The following GPC5 variants were observed in gnomAD, a reference collection of about 807,000 sequenced individuals.
GPC5 encodes glypican 5.
GPC5 carries 47 observed loss-of-function variants against 53.9 expected under a neutral mutation model. The ratio of observed to expected loss-of-function variants is 0.87; its 90% CI spans 0.69 to 1.11. The LOEUF (loss-of-function observed/expected upper bound fraction) is 1.11, where lower values mean the gene tolerates loss of function less well. GPC5 is among the 50% of genes most tolerant of loss of function. The pLI is 0.00. For synonymous variants in GPC5, 286 were observed against 263.3 expected (o/e 1.09, Z -0.84); for missense variants, 748 against 713.1 (o/e 1.05, Z -0.56).
intron 6 of GPC5, among the ~76,000 whole-genome samples, chr13:92,072,569 ATT>A (rs34169387): frequency 0.35 from 36,585 of 103,232 alleles, 5,984 homozygotes; most frequent in East Asian, 0.72. Context: ...TGGCCACTAA[ATT>A]TTTTTTTTTT....
At chr13:92,781,689 A>T (rs1004313321) in intron 7 of GPC5, among the ~76,000 whole-genome samples, 1 of 152,194 alleles carries the variant, frequency 6.6e-6, no homozygotes, top group African/African-American at 2.4e-5. Context: ...GCAAATAAGG[A>T]TGCATAAAAT....
At chr13:91,803,987 C>T (rs1355572221) in intron 5 of GPC5, among the ~76,000 whole-genome samples, 1 of 151,564 alleles carries the variant, frequency 6.6e-6, no homozygotes, top group Non-Finnish European at 1.5e-5. Context: ...ACAGAAAATG[C>T]AGAGAGATAT....
chr13:92,000,840 T>A (rs1157229351), intron 6 of GPC5, among the ~76,000 whole-genome samples: 1 of 152,158 alleles, frequency 6.6e-6, no homozygotes, highest in East Asian at 1.9e-4. Context: ...GAACACTATA[T>A]GTAAGGCTAG....
chr13:92,285,261 A>T (rs917202948), intron 7 of GPC5, among the ~76,000 whole-genome samples: 1 of 152,208 alleles, frequency 6.6e-6, no homozygotes, highest in Non-Finnish European at 1.5e-5. Flanking sequence ...AAATGGAAGA[A>T]CATTCCATGC....
intron 1 of GPC5, among the ~76,000 whole-genome samples, chr13:91,425,042 C>G (rs79266484): frequency 0.014 from 2,059 of 152,220 alleles, 24 homozygotes; most frequent in Non-Finnish European, 0.022. Context: ...GGGAAGATAT[C>G]TAAGTAGACT....
At chr13:92,528,051 A>G (rs1881428650) in intron 7 of GPC5, among the ~76,000 whole-genome samples, 1 of 152,114 alleles carries the variant, frequency 6.6e-6, no homozygotes, top group Non-Finnish European at 1.5e-5. Context: ...GAAACTTAGG[A>G]AAAAAATGAT....
intron 7 of GPC5, among the ~76,000 whole-genome samples, chr13:92,795,827 A>C (rs553332065): frequency 6.6e-6 from 1 of 152,164 alleles, no homozygotes; most frequent in Non-Finnish European, 1.5e-5. Context: ...ATCTCATGCC[A>C]GTTAGAATGG....
chr13:92,460,708 C>T (rs1365495895), intron 7 of GPC5, among the ~76,000 whole-genome samples: 3 of 152,078 alleles, frequency 2.0e-5, no homozygotes, highest in Non-Finnish European at 1.5e-5. Flanking sequence ...TGAACTCAGT[C>T]CTGAAGGCTG....
intron 7 of GPC5, among the ~76,000 whole-genome samples, chr13:92,291,130 T>C (rs12876361): frequency 0.086 from 13,059 of 152,170 alleles, 624 homozygotes; most frequent in Middle Eastern, 0.12. Flanking sequence ...GCCTCCCCAC[T>C]GCTCCGTGGG....
In GPC5 at chr13:92,780,790, TC is replaced by T. The variant is rs575989758; in HGVS notation, c.1562-85491del. Among the ~76,000 whole-genome samples the T allele has an allele frequency of 4.7e-3, 723 of 152,212 alleles. 4 individuals are homozygous for T. Among genetic ancestry groups the T allele is most frequent in the Non-Finnish European group, 5.8e-3 (396 of 67,948 alleles). On this transcript the variant is annotated intron_variant, in intron 7 of 7. Coordinates refer to ENST00000377067, the MANE Select transcript of GPC5 (RefSeq NM_004466.6). ...TGAAAGTATATTCAATCATAGAATA[TC>T]AGATATTTAGTCAAGGTAAAAATGA...
chr13:91,974,447 A>G (rs2040277453), intron 6 of GPC5, among the ~76,000 whole-genome samples: 1 of 152,010 alleles, frequency 6.6e-6, no homozygotes, highest in Non-Finnish European at 1.5e-5. Flanking sequence ...CAATGTACAA[A>G]AATCACAAGC....
At chr13:91,802,421 A>G (rs936215594) in intron 5 of GPC5, among the ~76,000 whole-genome samples, 3 of 152,186 alleles carry the variant, frequency 2.0e-5, no homozygotes, top group Non-Finnish European at 4.4e-5. Flanking sequence ...TACATCTCAT[A>G]AAGGTACTGC....
At chr13:92,588,572 G>GT (rs1883617339) in intron 7 of GPC5, among the ~76,000 whole-genome samples, 1 of 152,100 alleles carries the variant, frequency 6.6e-6, no homozygotes, top group Non-Finnish European at 1.5e-5. Flanking sequence ...TGTTCAGCAG[G>GT]TTTTCTCATC....
At chr13:92,113,242 G>A (rs2041572672) in intron 6 of GPC5, among the ~76,000 whole-genome samples, 2 of 152,028 alleles carry the variant, frequency 1.3e-5, no homozygotes, top group Non-Finnish European at 2.9e-5. Context: ...GTTTTGACAT[G>A]AATACAATCT....
intron 2 of GPC5, among the ~76,000 whole-genome samples, chr13:91,474,420 C>G (rs1440276931): frequency 3.3e-5 from 5 of 151,996 alleles, no homozygotes; most frequent in Non-Finnish European, 7.4e-5. Flanking sequence ...TACCATTTTT[C>G]TTTTACTTAT....
chr13:92,437,087 T>C, intron 7 of GPC5, among the ~76,000 whole-genome samples: 1 of 152,184 alleles, frequency 6.6e-6, no homozygotes, highest in East Asian at 1.9e-4. Context: ...GTGGTTTGAA[T>C]ACTTGCTTTG....
intron 5 of GPC5, among the ~76,000 whole-genome samples, chr13:91,779,622 A>G (rs2138717280): frequency 6.6e-6 from 1 of 152,264 alleles, no homozygotes; most frequent in South Asian, 2.1e-4. Flanking sequence ...CGACCTCCCA[A>G]AGGGCTGGGA....
intron 2 of GPC5, among the ~76,000 whole-genome samples, chr13:91,463,948 TAA>T (rs2139153166): frequency 6.6e-6 from 1 of 152,176 alleles, no homozygotes; most frequent in African/African-American, 2.4e-5. Flanking sequence ...AGAGAAAGGT[TAA>T]GAGAATGAAA....
Position 91,506,687 on chromosome 13 carries a change from A to G in GPC5, c.325+57765A>G, listed in dbSNP as rs34843106. On this transcript the variant is annotated intron_variant, in intron 2 of 7. Transcript: ENST00000377067. ...AAAAGTCTAAAGACTTAAATGACAT[A>G]GAAAAAATGACTTTGAATAAAATAT... Among the ~76,000 whole-genome samples the G allele has an allele frequency of 7.1e-3, 1,077 of 151,938 alleles. 5 individuals carry two copies. The highest frequency in any genetic ancestry group is 0.011 in the Non-Finnish European group (770 of 67,930).
Sources: gnomAD v4.1 joint callset for allele counts (sites outside exome capture counted in the v4.1 genomes callset) on GRCh38, gnomAD v4.1.1 for gene constraint, MANE v1.5 for transcripts, NCBI Gene and HGNC (gene_info 2026-07-23, HGNC 2026-07-21) for gene names.